Variants in MOXD1 observed in about 807,000 individuals in gnomAD.
The protein encoded by MOXD1 is DBH-like monooxygenase protein 1.
MOXD1 carries 62 observed loss-of-function variants against 66.6 expected under a neutral mutation model. The observed-to-expected ratio is 0.93, with a 90% confidence interval of 0.76 to 1.15. MOXD1 has a LOEUF of 1.15. MOXD1 is among the 50% of genes most tolerant of loss of function. The pLI, the probability that MOXD1 is intolerant of heterozygous loss-of-function variation, is 0.00. For missense variants in MOXD1, 847 were observed against 754.6 expected (o/e 1.12, Z -1.44); for synonymous variants, 303 against 281.9 (o/e 1.07, Z -0.75).
At chr6:132,311,514 T>C (rs571800034) in intron 10 of MOXD1, among the ~76,000 whole-genome samples, 1 of 151,978 alleles carries the variant, frequency 6.6e-6, no homozygotes, top group Non-Finnish European at 1.5e-5. Flanking sequence ...AATTGAAACA[T>C]ACAGTGAATC....
chr6:132,328,388 T>C, intron 5 of MOXD1, 27 bp downstream of exon 5: 2 of 1,610,646 alleles, frequency 1.2e-6, no homozygotes, highest in Non-Finnish European at 1.7e-6. Flanking sequence ...GTTAATTGTG[T>C]TACATCTCAG....
intron 1 of MOXD1, among the ~76,000 whole-genome samples, chr6:132,396,624 C>A (rs1776885453): frequency 6.6e-6 from 1 of 151,490 alleles, no homozygotes; most frequent in Admixed American, 6.6e-5. Flanking sequence ...ACTTGATAAA[C>A]AACTTGCTAG....
intron 4 of MOXD1, among the ~76,000 whole-genome samples, chr6:132,356,728 G>A (rs997580465): frequency 6.6e-6 from 1 of 152,086 alleles, no homozygotes; most frequent in East Asian, 1.9e-4. Flanking sequence ...GTAATGATGA[G>A]GGCATTAATT....
chr6:132,348,706 A>C (rs1049187646), intron 4 of MOXD1, among the ~76,000 whole-genome samples: 8 of 152,198 alleles, frequency 5.3e-5, no homozygotes, highest in African/African-American at 1.9e-4. Context: ...AACCTGCATA[A>C]GTTTTCAAAG....
intron 4 of MOXD1, among the ~76,000 whole-genome samples, chr6:132,331,627 C>T (rs984881139): frequency 1.3e-5 from 2 of 152,010 alleles, no homozygotes; most frequent in African/African-American, 2.4e-5. Context: ...ATGAATCATT[C>T]TATGTATTTC....
chr6:132,401,142 T>A, intron 1 of MOXD1, 21 bp downstream of exon 1: 2 of 1,482,906 alleles, frequency 1.3e-6, no homozygotes, highest in Non-Finnish European at 1.8e-6. Context: ...CCGGGCGGGC[T>A]CCGGGAGGAG....
At chr6:132,316,056 G>C (rs1774944403) in intron 9 of MOXD1, among the ~76,000 whole-genome samples, 1 of 152,126 alleles carries the variant, frequency 6.6e-6, no homozygotes, top group Non-Finnish European at 1.5e-5. Context: ...AGAATCATAA[G>C]GATGTTTGGT....
At chr6:132,360,755 T>C (rs888534832) in intron 4 of MOXD1, among the ~76,000 whole-genome samples, 1 of 152,178 alleles carries the variant, frequency 6.6e-6, no homozygotes, top group Non-Finnish European at 1.5e-5. Context: ...TATTGCTCTA[T>C]ATACAAGACA....
chr6:132,311,193 A>C (rs775770011), intron 10 of MOXD1, among the ~76,000 whole-genome samples: 2 of 152,112 alleles, frequency 1.3e-5, no homozygotes, highest in African/African-American at 4.8e-5. Context: ...GAAATTCCCA[A>C]ATTGAAAGAA....
intron 4 of MOXD1, among the ~76,000 whole-genome samples, chr6:132,368,129 T>C (rs1776183318): frequency 6.6e-6 from 1 of 152,072 alleles, no homozygotes; most frequent in African/African-American, 2.4e-5. Context: ...AAAAGCAGCG[T>C]GTTAAGCCAA....
chr6:132,396,114 T>C (rs1776862764), intron 1 of MOXD1, among the ~76,000 whole-genome samples: 1 of 152,184 alleles, frequency 6.6e-6, no homozygotes, highest in Non-Finnish European at 1.5e-5. Context: ...ACATGAAACA[T>C]TCCTTAGGAC....
At chr6:132,400,554 A>G (rs1179893664) in intron 1 of MOXD1, among the ~76,000 whole-genome samples, 1 of 152,048 alleles carries the variant, frequency 6.6e-6, no homozygotes, top group African/African-American at 2.4e-5. Context: ...TTCATAGGAT[A>G]TTTTGCCTGG....
At chr6:132,389,813 C>T (rs1364747590) in intron 1 of MOXD1, among the ~76,000 whole-genome samples, 1 of 151,398 alleles carries the variant, frequency 6.6e-6, no homozygotes, top group Non-Finnish European at 1.5e-5. Context: ...CTGGTTACAT[C>T]TGTCATGAGT....
intron 4 of MOXD1, among the ~76,000 whole-genome samples, chr6:132,351,709 A>G (rs538992106): frequency 6.6e-6 from 1 of 152,258 alleles, no homozygotes; most frequent in East Asian, 1.9e-4. Flanking sequence ...TAATGTCAAA[A>G]AGATTGGTAC....
At chr6:132,303,020 T>C (rs1177214964) in intron 10 of MOXD1, among the ~76,000 whole-genome samples, 1 of 152,078 alleles carries the variant, frequency 6.6e-6, no homozygotes, top group Non-Finnish European at 1.5e-5. Flanking sequence ...GGATTTACCT[T>C]ACACTACACA....
At chr6:132,353,631 T>C (rs1430185378) in intron 4 of MOXD1, among the ~76,000 whole-genome samples, 1 of 152,194 alleles carries the variant, frequency 6.6e-6, no homozygotes, top group South Asian at 2.1e-4. Context: ...AACCTGATGA[T>C]GATGTGCCTA....
intron 4 of MOXD1, among the ~76,000 whole-genome samples, chr6:132,357,755 C>A (rs1689495266): frequency 6.6e-6 from 1 of 151,852 alleles, no homozygotes; most frequent in Non-Finnish European, 1.5e-5. Context: ...AGATATAAAT[C>A]TTAGGTGTAT....
chr6:132,315,129 TTAG>T (rs1458015548), intron 10 of MOXD1, among the ~76,000 whole-genome samples: 1 of 152,206 alleles, frequency 6.6e-6, no homozygotes, highest in East Asian at 1.9e-4. Flanking sequence ...GTATGGAATT[TTAG>T]TAAGTGGTAG....
At chr6:132,352,050 CTTTA>C (rs1250811680) in intron 4 of MOXD1, among the ~76,000 whole-genome samples, 8 of 152,134 alleles carry the variant, frequency 5.3e-5, no homozygotes, top group East Asian at 1.9e-4. Context: ...GGTCTATCAA[CTTTA>C]TTTATCTTTT....
Sources: gnomAD v4.1 joint callset for allele counts (sites outside exome capture counted in the v4.1 genomes callset) on GRCh38, gnomAD v4.1.1 for gene constraint, MANE v1.5 for transcripts, NCBI Gene and HGNC (gene_info 2026-07-23, HGNC 2026-07-21) for gene names.